The following PCDHGB2 variants were observed in gnomAD, a reference collection of about 807,000 sequenced individuals.
PCDHGB2 encodes protocadherin gamma-B2.
In PCDHGB2, 55 loss-of-function variants were observed where a neutral mutation model predicts 59.3. The ratio of observed to expected loss-of-function variants is 0.93; its 90% CI spans 0.75 to 1.16. The LOEUF is 1.16. Ranked by LOEUF, PCDHGB2 falls within the 50% of genes most tolerant of loss-of-function variation. The pLI is 0.00. For synonymous variants in PCDHGB2, 516 were observed against 512.0 expected, an observed-to-expected ratio of 1.01 and a Z score of -0.11; for missense variants, 1,228 against 1,198.5, an observed-to-expected ratio of 1.02 and a Z score of -0.36.
intron 2 of PCDHGB2, among the ~76,000 whole-genome samples, chr5:141,502,139 C>T (rs923501238): frequency 6.6e-6 from 1 of 152,104 alleles, no homozygotes; most frequent in African/African-American, 2.4e-5. Flanking sequence ...TCAGTCGGGC[C>T]GGAAGTAAGG....
rs1427934561 is a variant in PCDHGB2, at chr5:141,511,140, CAAG to C, written c.2770_2772del (p.Lys924del). The stretch of plus-strand genomic sequence containing the variant: ...AGGCCCCAGCAGGTGGCAATGGCAA[CAAG>C]AAGAAGTCGGGCAAGAAGGAGAAGA... On this transcript the variant is annotated inframe_deletion, in exon 4 of 4. Coordinates refer to ENST00000522605, the MANE Select transcript of PCDHGB2 (RefSeq NM_018923.3). 9 of 1,614,186 alleles carry C rather than the reference CAAG, an allele frequency of 5.6e-6. No individual in the cohort carries two copies. The East Asian group carries it at 6.7e-5, about 12-fold the overall frequency.
intron 1 of PCDHGB2, chr5:141,388,948 T>A (rs751779962): frequency 1.9e-6 from 3 of 1,614,022 alleles, no homozygotes; most frequent in Non-Finnish European, 2.5e-6. Context: ...AACCTAATTA[T>A]GGAGGACGCC....
rs543179504 is a variant in PCDHGB2, at chr5:141,381,358, A to G, written c.2421+18802A>G. ...AGCTTTCTTTTCTTTCTGCTAGCAG[A>G]GGGTAGCCTCGGATCCATCAATAAT... is the stretch of plus-strand genomic sequence containing the variant. On this transcript the variant is annotated intron_variant, in intron 1 of 3. Coordinates refer to ENST00000522605, the MANE Select transcript of PCDHGB2 (RefSeq NM_018923.3). Among the ~76,000 whole-genome samples the G allele has an allele frequency of 4.6e-5, 7 of 152,330 alleles. No individual in the cohort carries two copies. In the South Asian group the frequency reaches 1.4e-3, roughly 32 times the overall value.
chr5:141,376,676 G>GTCTTTTTTT (rs1773033495), intron 1 of PCDHGB2: 1 of 275,812 alleles, frequency 3.6e-6, no homozygotes, highest in Admixed American at 6.8e-5. Context: ...TGAGGGTATC[G>GTCTTTTTTT]TTTTTTTTTT....
intron 1 of PCDHGB2, chr5:141,384,574 C>G (rs1229577686): frequency 1.9e-6 from 3 of 1,614,228 alleles, no homozygotes; most frequent in South Asian, 1.1e-5. Flanking sequence ...GAATGACAAC[C>G]CGCCCGAGAT....
At chr5:141,478,941 A>C (rs889484528) in intron 1 of PCDHGB2, 9 of 589,470 alleles carry the variant, frequency 1.5e-5, no homozygotes, top group Non-Finnish European at 2.0e-5. Context: ...TTCTAGGAAT[A>C]CAAAAACTAC....
intron 1 of PCDHGB2, chr5:141,374,451 T>C: frequency 6.2e-7 from 1 of 1,613,730 alleles, no homozygotes; most frequent in Non-Finnish European, 8.5e-7. Flanking sequence ...GAAGTGGAAA[T>C]AGTGGACATT....
At chr5:141,421,986 AG>A in intron 1 of PCDHGB2, 2 of 1,609,004 alleles carry the variant, frequency 1.2e-6, no homozygotes, top group Non-Finnish European at 1.7e-6. Flanking sequence ...TGAGTGTTCC[AG>A]AAAACATCAG....
At chr5:141,501,423 A>G (rs1195105794) in intron 2 of PCDHGB2, among the ~76,000 whole-genome samples, 4 of 151,966 alleles carry the variant, frequency 2.6e-5, no homozygotes, top group African/African-American at 7.2e-5. Flanking sequence ...AGTTGACTAA[A>G]TGTAGTCCAT....
intron 1 of PCDHGB2, chr5:141,430,849 G>A: frequency 6.3e-7 from 1 of 1,582,030 alleles, no homozygotes; most frequent in Non-Finnish European, 8.6e-7. Flanking sequence ...GATGCACCCA[G>A]ATACGCTATT....
At chr5:141,384,870 C>G in intron 1 of PCDHGB2, 4 of 1,613,806 alleles carry the variant, frequency 2.5e-6, no homozygotes, top group South Asian at 1.1e-5. Context: ...TGTCAGCCAC[C>G]GTCACACTCA....
chr5:141,374,528 T>A (rs759567011), intron 1 of PCDHGB2: 1 of 1,613,048 alleles, frequency 6.2e-7, no homozygotes. Flanking sequence ...CGCAGCTCCA[T>A]CCTCTCGTTT....
At chr5:141,394,769 C>T in intron 1 of PCDHGB2, 1 of 1,613,514 alleles carries the variant, frequency 6.2e-7, no homozygotes, top group Non-Finnish European at 8.5e-7. Flanking sequence ...ATGGCCAGCC[C>T]CCTCTCTCCG....
chr5:141,430,830 G>C, intron 1 of PCDHGB2: 1 of 1,554,968 alleles, frequency 6.4e-7, no homozygotes, highest in Non-Finnish European at 8.7e-7. Context: ...GGGACTCTGT[G>C]GGAGACCGGA....
rs1275819200 is a variant in PCDHGB2, at chr5:141,491,620, A to G, written c.2422-3187A>G. 5 of 1,613,788 alleles carry G rather than the reference A, an allele frequency of 3.1e-6. No individual in the cohort carries two copies. Among genetic ancestry groups the G allele is most frequent in the Non-Finnish European group, 4.2e-6 (5 of 1,180,014 alleles). On this transcript the variant is annotated intron_variant, in intron 1 of 3. Coordinates refer to ENST00000522605, the MANE Select transcript of PCDHGB2 (RefSeq NM_018923.3). The surrounding 1 kb of genome is among the most constrained non-coding windows in gnomAD (Gnocchi z 6.9). ...TGACTTCACTTTTCTAAGACCCCTC[A>G]GCGTTCAGCAGCCCACAGCTCTGGC...
At position 141,476,669 on chromosome 5, in the gene PCDHGB2, C is replaced by G; in HGVS notation, c.2422-18138C>G. ...AAATGAATACTTTGCGCTTCGCGTGCAGACGCGGGAGGACAGCACCAAGTA... is the reference window on the plus strand; with the variant it reads ...AAATGAATACTTTGCGCTTCGCGTGGAGACGCGGGAGGACAGCACCAAGTA... On this transcript the variant is annotated intron_variant, in intron 1 of 3. Coordinates refer to ENST00000522605, the MANE Select transcript of PCDHGB2 (RefSeq NM_018923.3). This position sits in a 1 kb window ranked among gnomAD's most constrained non-coding sequence, Gnocchi z 7.6. 6.2e-7 allele frequency: 1 copy of G among 1,614,246 alleles called. No individual in the cohort carries two copies. The highest frequency in any genetic ancestry group is 1.1e-5 in the South Asian group (1 of 91,086).
Position 141,360,197 on chromosome 5 carries a change from T to C in PCDHGB2, c.62T>C (p.Leu21Pro), listed in dbSNP as rs777545270. The stretch of plus-strand genomic sequence containing the variant: ...TGGCTGCAGGTACTGTTGCCCTTCC[T>C]GTTGTCTTTGTTCCCCGGGGCTCTC... ...VRWLQVLLPF[L>P]LSLFPGALPV... The change falls in exon 1 of 4, where the codon CTG becomes CCG. Residue 21 changes from leucine (L) to proline (P), a missense_variant. Physicochemically the swap from Leu to Pro is moderately conservative, Grantham distance 98. Transcript: ENST00000522605. 1 of 1,612,462 alleles carries C rather than the reference T, an allele frequency of 6.2e-7. No individual in the cohort carries two copies. The highest frequency in any genetic ancestry group is 1.1e-5 in the South Asian group (1 of 90,796).
chr5:141,392,641 C>A, intron 1 of PCDHGB2: 2 of 655,502 alleles, frequency 3.1e-6, no homozygotes, highest in East Asian at 5.8e-5. Flanking sequence ...TCACACCTCA[C>A]GAAGACCCGC....
In PCDHGB2 at chr5:141,489,801, T is replaced by C. The variant is rs201458939; in HGVS notation, c.2422-5006T>C. 6.2e-7 allele frequency: 1 copy of C among 1,614,148 alleles called. No homozygotes were observed. On this transcript the variant is annotated intron_variant, in intron 1 of 3. Coordinates refer to ENST00000522605, the MANE Select transcript of PCDHGB2 (RefSeq NM_018923.3). The surrounding 1 kb of genome is among the most constrained non-coding windows in gnomAD (Gnocchi z 4.5). The stretch of plus-strand genomic sequence containing the variant: ...CTCTGAATGTGAAGACCCTAAAAGA[T>C]GGGAAGCCATTCCCAGAGCTGGTGC...
Sources: allele counts gnomAD v4.1 joint callset (sites outside exome capture counted in the v4.1 genomes callset), GRCh38; gene constraint gnomAD v4.1.1; non-coding constraint Gnocchi (gnomAD v3.1); transcripts MANE v1.5; gene names NCBI Gene and HGNC (gene_info 2026-07-23, HGNC 2026-07-21).